Variants in DCDC2C observed in about 807,000 individuals in gnomAD.
DCDC2C encodes the protein doublecortin domain containing 2C.
Under a neutral mutation model 45.0 loss-of-function variants are expected in DCDC2C, and 44 were observed. The ratio of observed to expected loss-of-function variants is 0.98; its 90% CI spans 0.77 to 1.26. The LOEUF is 1.26. Ranked by LOEUF, DCDC2C falls within the 50% of genes most tolerant of loss-of-function variation. DCDC2C has a pLI of 0.00. For missense variants in DCDC2C, 447 were observed against 468.9 expected (o/e 0.95, Z 0.43); for synonymous variants, 187 against 178.8 (o/e 1.05, Z -0.37).
intron 2 of DCDC2C, among the ~76,000 whole-genome samples, chr2:3,712,076 A>C (rs1668225466): frequency 6.6e-6 from 1 of 152,192 alleles, no homozygotes; most frequent in African/African-American, 2.4e-5. Flanking sequence ...GCCTGGACAC[A>C]TGTCAATGGT....
chr2:3,755,323 A>G (rs188616408), intron 6 of DCDC2C, among the ~76,000 whole-genome samples: 7 of 152,272 alleles, frequency 4.6e-5, no homozygotes, highest in Admixed American at 4.6e-4. Context: ...ATGTTTGCAT[A>G]CGTGCACATG....
rs1669883070 is a variant in DCDC2C at position 3,761,544 on chromosome 2, CACA to C, written c.727-6205_727-6203del. 6.6e-6 allele frequency among the ~76,000 whole-genome samples: 1 copy of C among 152,200 alleles called. No homozygotes were observed. Among genetic ancestry groups the C allele is most frequent in the South Asian group, 2.1e-4 (1 of 4,832 alleles). ...TCATGTCAAGGCTGGAGCAATATATCACAACAATCAAGGCTGCAATTGTCATCT... is the reference window on the plus strand; with the variant it reads ...TCATGTCAAGGCTGGAGCAATATATCACAATCAAGGCTGCAATTGTCATCT... On this transcript the variant is annotated intron_variant, in intron 6 of 10. Coordinates refer to ENST00000399143, the MANE Select transcript of DCDC2C (RefSeq NM_001287444.2). This position sits in a 1 kb window ranked among gnomAD's most constrained non-coding sequence, Gnocchi z 4.3.
chr2:3,767,087 T>A (rs1341073526), intron 6 of DCDC2C, among the ~76,000 whole-genome samples: 1 of 152,244 alleles, frequency 6.6e-6, no homozygotes, highest in African/African-American at 2.4e-5. Flanking sequence ...TGCGCCATGA[T>A]GTTCAGTAGG....
At chr2:3,814,818 G>A (rs60998758) in intron 10 of DCDC2C, among the ~76,000 whole-genome samples, 3,210 of 152,360 alleles carry the variant, frequency 0.021, 103 homozygotes, top group African/African-American at 0.073. Context: ...GAGGCACTCC[G>A]GCCACAGACT....
intron 2 of DCDC2C, among the ~76,000 whole-genome samples, chr2:3,711,142 CA>C (rs1291163934): frequency 6.6e-6 from 1 of 152,188 alleles, no homozygotes; most frequent in Non-Finnish European, 1.5e-5. Flanking sequence ...CAAAAAACAA[CA>C]GATGCTGGCA....
At chr2:3,769,281 CA>C in intron 7 of DCDC2C, 29 bp from the exon 8 acceptor site, 1 of 1,542,602 alleles carries the variant, frequency 6.5e-7, no homozygotes, top group Non-Finnish European at 8.8e-7. Context: ...CCATGGGTTT[CA>C]AAAGTTTGTC....
chr2:3,737,339 C>T (rs1473709491), intron 3 of DCDC2C, among the ~76,000 whole-genome samples: 1 of 152,196 alleles, frequency 6.6e-6, no homozygotes, highest in Non-Finnish European at 1.5e-5. Flanking sequence ...ACCTTCACCC[C>T]AGGATGAGGG....
At chr2:3,741,268 G>A (rs557192729) in intron 3 of DCDC2C, among the ~76,000 whole-genome samples, 3 of 152,224 alleles carry the variant, frequency 2.0e-5, no homozygotes, top group East Asian at 3.9e-4. Context: ...AGATGATCTC[G>A]GCTCCAGAGA....
At chr2:3,834,162 G>A (rs1488739019) in intron 10 of DCDC2C, among the ~76,000 whole-genome samples, 1 of 136,786 alleles carries the variant, frequency 7.3e-6, no homozygotes. Context: ...TGGTACATTT[G>A]TTACAACTGA....
At chr2:3,739,940 G>T (rs958203524) in intron 3 of DCDC2C, among the ~76,000 whole-genome samples, 9 of 152,170 alleles carry the variant, frequency 5.9e-5, no homozygotes, top group African/African-American at 2.2e-4. Flanking sequence ...CTGCCCGTCT[G>T]TATGTCCCCT....
chr2:3,831,340 C>T (rs1399635064), intron 10 of DCDC2C, among the ~76,000 whole-genome samples: 3 of 152,174 alleles, frequency 2.0e-5, no homozygotes, highest in African/African-American at 7.2e-5. Context: ...GAGCGACGTG[C>T]ACAAACCTCG....
intron 2 of DCDC2C, among the ~76,000 whole-genome samples, chr2:3,710,143 G>A (rs1430878704): frequency 1.3e-5 from 2 of 151,902 alleles, no homozygotes; most frequent in African/African-American, 4.8e-5. Flanking sequence ...TCAAAACTAC[G>A]GTGAGATACC....
At chr2:3,768,615 C>A (rs889283417) in intron 7 of DCDC2C, among the ~76,000 whole-genome samples, 1 of 152,192 alleles carries the variant, frequency 6.6e-6, no homozygotes, top group African/African-American at 2.4e-5. Context: ...ACTCTGTCAC[C>A]CAGGCTGGAG....
intron 10 of DCDC2C, among the ~76,000 whole-genome samples, chr2:3,837,349 AC>A (rs1196252484): frequency 6.6e-6 from 1 of 152,230 alleles, no homozygotes; most frequent in Non-Finnish European, 1.5e-5. Flanking sequence ...TCATAGCCTA[AC>A]AACAGATGTT....
intron 10 of DCDC2C, among the ~76,000 whole-genome samples, chr2:3,795,208 G>T (rs1177091406): frequency 6.6e-6 from 1 of 151,786 alleles, no homozygotes; most frequent in East Asian, 1.9e-4. Context: ...TTTTTGATGG[G>T]GTTGTTTGTT....
chr2:3,804,948 T>A (rs1671196395), intron 10 of DCDC2C, among the ~76,000 whole-genome samples: 1 of 152,250 alleles, frequency 6.6e-6, no homozygotes, highest in South Asian at 2.1e-4. Flanking sequence ...CTTAGAAATA[T>A]AAACTAAAGT....
intron 6 of DCDC2C, among the ~76,000 whole-genome samples, chr2:3,756,667 C>T (rs903276293): frequency 6.6e-6 from 1 of 152,212 alleles, no homozygotes; most frequent in Non-Finnish European, 1.5e-5. Context: ...AGTTCACGGC[C>T]ACGGTCCTTA....
At chr2:3,704,238 C>T (rs4474890) in intron 1 of DCDC2C, 200 bp downstream of exon 1, 41 of 439,392 alleles carry the variant, frequency 9.3e-5, no homozygotes, top group Non-Finnish European at 1.3e-4. Flanking sequence ...GCCGAGGCAG[C>T]CCCGCCCCCA....
At position 3,734,474 on chromosome 2, in the gene DCDC2C, G is replaced by T. The variant is rs1668963670; in HGVS notation, c.416+7395G>T. 6.6e-6 allele frequency among the ~76,000 whole-genome samples: 1 copy of T among 152,226 alleles called. No homozygotes were observed. Among genetic ancestry groups the T allele is most frequent in the Non-Finnish European group, 1.5e-5 (1 of 68,044 alleles). On this transcript the variant is annotated intron_variant, in intron 3 of 10. Coordinates refer to ENST00000399143, the MANE Select transcript of DCDC2C (RefSeq NM_001287444.2). This position sits in a 1 kb window ranked among gnomAD's most constrained non-coding sequence, Gnocchi z 4.2. Reference sequence around the variant, plus strand: ...CACTAACTAACCACGGGTAAAGGAAGCAAGTGGAGGGGTTAAGGCTTTGAT... The same window carrying T: ...CACTAACTAACCACGGGTAAAGGAATCAAGTGGAGGGGTTAAGGCTTTGAT...
Sources: allele counts gnomAD v4.1 joint callset (sites outside exome capture counted in the v4.1 genomes callset), GRCh38; gene constraint gnomAD v4.1.1; non-coding constraint Gnocchi (gnomAD v3.1); transcripts MANE v1.5; gene names NCBI Gene and HGNC (gene_info 2026-07-23, HGNC 2026-07-21).